The following MAN2A1 variants were observed in gnomAD, a reference collection of about 807,000 sequenced individuals.
MAN2A1 encodes the protein alpha-mannosidase 2.
A neutral mutation model predicts 142.6 loss-of-function variants in MAN2A1; 76 were observed. That is an observed-to-expected ratio of 0.53 (90% confidence interval 0.44 to 0.65). The LOEUF (loss-of-function observed/expected upper bound fraction) is 0.65. Among genes scored for constraint, MAN2A1 ranks in the 30% least tolerant of loss-of-function variants. The pLI, the probability that MAN2A1 is intolerant of heterozygous loss-of-function variation, is 0.00. For missense variants in MAN2A1, 1,311 were observed against 1,365.1 expected, an observed-to-expected ratio of 0.96 and a Z score of 0.62; for synonymous variants, 559 against 473.2, an observed-to-expected ratio of 1.18 and a Z score of -2.35.
chr5:109,759,816 A>T (rs1752789081), intron 5 of MAN2A1, among the ~76,000 whole-genome samples: 1 of 151,966 alleles, frequency 6.6e-6, no homozygotes, highest in Admixed American at 6.6e-5. Flanking sequence ...GTGATATTTC[A>T]CTGTTATTTT....
At chr5:109,690,693 C>A in intron 1 of MAN2A1, 141 bp downstream of exon 1, 2 of 937,462 alleles carry the variant, frequency 2.1e-6, no homozygotes, top group South Asian at 1.6e-5. Flanking sequence ...AGCTCTCGGA[C>A]GGCAATGATC....
chr5:109,753,068 A>G (rs1004044118), intron 4 of MAN2A1, among the ~76,000 whole-genome samples: 3 of 152,214 alleles, frequency 2.0e-5, no homozygotes, highest in African/African-American at 7.2e-5. Context: ...TCTATTCAAC[A>G]TCAGCGAAGA....
At chr5:109,780,827 C>T (rs1362959820) in intron 8 of MAN2A1, among the ~76,000 whole-genome samples, 1 of 152,116 alleles carries the variant, frequency 6.6e-6, no homozygotes, top group African/African-American at 2.4e-5. Context: ...TCAGTGTTAC[C>T]TACTGGTAGA....
At chr5:109,722,247 A>G (rs935947656) in intron 3 of MAN2A1, among the ~76,000 whole-genome samples, 16 of 152,174 alleles carry the variant, frequency 1.1e-4, no homozygotes, top group African/African-American at 3.9e-4. Flanking sequence ...TGGACATCTC[A>G]CTGCACTATC....
At chr5:109,692,949 G>A (rs1214880724) in intron 1 of MAN2A1, among the ~76,000 whole-genome samples, 1 of 152,152 alleles carries the variant, frequency 6.6e-6, no homozygotes, top group Non-Finnish European at 1.5e-5. Context: ...AGAATCTAAT[G>A]CTGCTGCTGA....
At chr5:109,696,373 A>G (rs551682367) in intron 1 of MAN2A1, among the ~76,000 whole-genome samples, 176 of 152,352 alleles carry the variant, frequency 1.2e-3, no homozygotes, top group African/African-American at 4.1e-3. Context: ...TGTTGGGATT[A>G]CAGGCGTGAG....
intron 12 of MAN2A1, among the ~76,000 whole-genome samples, chr5:109,795,712 G>A (rs191160784): frequency 6.6e-6 from 1 of 152,284 alleles, no homozygotes; most frequent in Admixed American, 6.5e-5. Context: ...TACCCCCAAG[G>A]CTTTCAAATT....
At chr5:109,696,313 A>T (rs550797193) in intron 1 of MAN2A1, among the ~76,000 whole-genome samples, 1 of 152,196 alleles carries the variant, frequency 6.6e-6, no homozygotes, top group South Asian at 2.1e-4. Context: ...GTTGGCCAGG[A>T]TGGTCTCGAT....
intron 20 of MAN2A1, among the ~76,000 whole-genome samples, chr5:109,856,537 G>C (rs1357592480): frequency 6.6e-6 from 1 of 152,206 alleles, no homozygotes; most frequent in Non-Finnish European, 1.5e-5. Context: ...CTTTAGACTA[G>C]AAAAGGCAGA....
At position 109,856,984 on chromosome 5, in the gene MAN2A1, A is replaced by T. The variant is rs934102729; in HGVS notation, c.3171+1650A>T. ...TAGATGGTGTTAAGTGTTATGAAGG[A>T]GTAAAAAGGGAACAGCCATTCAAAG... On this transcript the variant is annotated intron_variant, in intron 20 of 21. Transcript: ENST00000261483. Among the ~76,000 whole-genome samples, 3 of 152,210 alleles carry T rather than the reference A, an allele frequency of 2.0e-5. No homozygotes were observed. In the East Asian group the frequency reaches 5.8e-4, roughly 29 times the overall value.
At chr5:109,851,463 G>A (rs556467004) in intron 19 of MAN2A1, among the ~76,000 whole-genome samples, 14 of 152,182 alleles carry the variant, frequency 9.2e-5, no homozygotes, top group East Asian at 7.8e-4. Context: ...CATTATCATC[G>A]GAATGGGTTA....
intron 19 of MAN2A1, among the ~76,000 whole-genome samples, chr5:109,848,774 T>C (rs1287624784): frequency 6.6e-6 from 1 of 152,198 alleles, no homozygotes; most frequent in East Asian, 1.9e-4. Context: ...CTCTGTTTTC[T>C]TCTATTAAAA....
At chr5:109,800,359 T>C (rs922544074) in intron 12 of MAN2A1, among the ~76,000 whole-genome samples, 7 of 152,278 alleles carry the variant, frequency 4.6e-5, no homozygotes, top group Admixed American at 2.0e-4. Context: ...TATAAACCTC[T>C]TGCCGGTATG....
chr5:109,761,224 A>G (rs1040277537), intron 5 of MAN2A1, among the ~76,000 whole-genome samples: 9 of 151,656 alleles, frequency 5.9e-5, no homozygotes, highest in Non-Finnish European at 1.2e-4. Flanking sequence ...TATTTAGACT[A>G]TATGTCTGTT....
chr5:109,763,272 A>G (rs1410892452), intron 5 of MAN2A1, among the ~76,000 whole-genome samples: 4 of 152,186 alleles, frequency 2.6e-5, no homozygotes, highest in African/African-American at 9.7e-5. Context: ...TATTTAACAT[A>G]GACCTCTATG....
At position 109,855,194 on chromosome 5, in the gene MAN2A1, T is replaced by G. The variant is rs756576828; in HGVS notation, c.3031T>G (p.Ser1011Ala). ...TTCTCTCCTTAGCCACATAACTTCTTCTCTCATGAATCATCCAGTCATTCC... is the reference window on the plus strand; with the variant it reads ...TTCTCTCCTTAGCCACATAACTTCTGCTCTCATGAATCATCCAGTCATTCC... ...YPSLLSHITSSLMNHPVIPMA... is the reference protein window; with the variant it reads ...YPSLLSHITSALMNHPVIPMA... The change falls in exon 20 of 22, where the codon TCT (serine) becomes GCT (alanine). Residue 1011 changes from serine to alanine, a missense_variant. By Grantham distance (99) the Ser-to-Ala change is moderately conservative (BLOSUM62 1). This residue lies in a region of MAN2A1 where 890 missense variants were observed against 920.5 expected (regional missense o/e 0.97). Coordinates refer to ENST00000261483, the MANE Select transcript of MAN2A1 (RefSeq NM_002372.4). 1.2e-6 allele frequency: 2 copies of G among 1,603,154 alleles called. No individual in the cohort carries two copies. The highest frequency in any genetic ancestry group is 2.3e-5 in the South Asian group (2 of 88,328).
chr5:109,867,157 GA>G lies in MAN2A1; in HGVS notation c.*180del, dbSNP rs11351742. 0.4 allele frequency: 37,325 copies of G among 94,196 alleles called. 4,917 individuals carry two copies. Among genetic ancestry groups the G allele is most frequent in the African/African-American group, 0.49 (11,895 of 24,376 alleles). The allele number at this position is 94,196 out of a possible 1,614,324, so 5.8% of individuals were successfully genotyped here. ...CTTTTTTCTTTTACCAGTACAGTAA[GA>G]AAAAAAAAAAAAAAAAAAAAGCCAT... is the stretch of plus-strand genomic sequence containing the variant. On this transcript the variant is annotated 3_prime_UTR_variant, in exon 22 of 22. Coordinates refer to ENST00000261483, the MANE Select transcript of MAN2A1 (RefSeq NM_002372.4).
At chr5:109,804,165 G>A (rs947020672) in intron 12 of MAN2A1, 22 of 987,012 alleles carry the variant, frequency 2.2e-5, no homozygotes, top group South Asian at 4.7e-5. Flanking sequence ...TTAATAAAGC[G>A]TGCACAACAA....
chr5:109,825,809 G>A (rs1166047279), intron 16 of MAN2A1, among the ~76,000 whole-genome samples: 1 of 151,946 alleles, frequency 6.6e-6, no homozygotes, highest in Non-Finnish European at 1.5e-5. Context: ...CCTTCCAAAG[G>A]GGCTCTCAAT....
Sources: gnomAD v4.1 joint callset for allele counts (sites outside exome capture counted in the v4.1 genomes callset) on GRCh38, gnomAD v4.1.1 for gene constraint, gnomAD v4.1.1 regional missense constraint, MANE v1.5 for transcripts, NCBI Gene and HGNC (gene_info 2026-07-23, HGNC 2026-07-21) for gene names.